The following DACH1 variants were observed in gnomAD, a reference collection of about 807,000 sequenced individuals.
DACH1 encodes dachshund homolog 1.
DACH1 carries 12 observed loss-of-function variants against 54.2 expected under a neutral mutation model. The ratio of observed to expected loss-of-function variants is 0.22; its 90% CI spans 0.14 to 0.36. DACH1 has a LOEUF of 0.36. Ranked by LOEUF, DACH1 falls within the 10% of genes least tolerant of loss-of-function variation. DACH1 has a pLI of 1.00. For missense variants in DACH1, 805 were observed against 929.8 expected, an observed-to-expected ratio of 0.87 and a Z score of 1.75; for synonymous variants, 386 against 366.2, an observed-to-expected ratio of 1.05 and a Z score of -0.62.
chr13:71,588,119 G>A (rs1376790423), intron 3 of DACH1, among the ~76,000 whole-genome samples: 2 of 152,042 alleles, frequency 1.3e-5, no homozygotes, highest in Non-Finnish European at 2.9e-5. Context: ...AGCTACAAAG[G>A]TTTAGATGGG....
At chr13:71,765,353 C>T (rs747400428) in intron 1 of DACH1, among the ~76,000 whole-genome samples, 7 of 152,156 alleles carry the variant, frequency 4.6e-5, no homozygotes, top group Non-Finnish European at 1.0e-4. Flanking sequence ...TCTGCTTTTC[C>T]CCATTTTTGT....
chr13:71,663,616 C>A (rs7982150), intron 2 of DACH1, among the ~76,000 whole-genome samples: 112,652 of 151,768 alleles, frequency 0.74, 43,879 homozygotes, highest in Non-Finnish European at 0.88. Flanking sequence ...TACTAGCCAC[C>A]AATATTTAGT....
At chr13:71,645,376 G>A (rs916420940) in intron 2 of DACH1, among the ~76,000 whole-genome samples, 4 of 152,176 alleles carry the variant, frequency 2.6e-5, no homozygotes, top group Non-Finnish European at 5.9e-5. Flanking sequence ...ATGTATGTGC[G>A]TAAACGATTT....
intron 1 of DACH1, among the ~76,000 whole-genome samples, chr13:71,814,824 C>CT (rs1167816537): frequency 3.3e-5 from 5 of 152,300 alleles, no homozygotes; most frequent in Non-Finnish European, 4.4e-5. Context: ...GATCATGAAG[C>CT]TTTTTTTCAT....
At chr13:71,836,782 C>T (rs1005645463) in intron 1 of DACH1, among the ~76,000 whole-genome samples, 1 of 151,986 alleles carries the variant, frequency 6.6e-6, no homozygotes, top group African/African-American at 2.4e-5. Context: ...ACTCTTCATA[C>T]CCCAAGCTCT....
rs1173370558 is a variant in DACH1 at position 71,440,662 on chromosome 13, A to T, written c.2114T>A (p.Met705Lys). Residue 705 changes from methionine to lysine, a missense_variant, in exon 11 of 11, where the codon ATG becomes AAG. This residue lies in a region of DACH1 where 472 missense variants were observed against 545.3 expected (regional missense o/e 0.87). Coordinates refer to ENST00000613252, the MANE Select transcript of DACH1 (RefSeq NM_080759.6). ...TTCTTCAACAGGAAAGATTCAGTAC[A>T]TGACAGTAGTTTTCAAATACAGTCT... ...DGRLYLKTTV[M>K]Y 6.2e-7 allele frequency: 1 copy of T among 1,604,538 alleles called. No homozygotes were observed. The highest frequency in any genetic ancestry group is 8.5e-7 in the Non-Finnish European group (1 of 1,175,580).
chr13:71,522,724 T>C (rs897761392), intron 6 of DACH1, among the ~76,000 whole-genome samples: 2 of 152,100 alleles, frequency 1.3e-5, no homozygotes, highest in Admixed American at 1.3e-4. Context: ...CATTCAGGAA[T>C]GACAGTTTAA....
At chr13:71,698,428 C>T (rs1881942475) in intron 1 of DACH1, among the ~76,000 whole-genome samples, 1 of 152,046 alleles carries the variant, frequency 6.6e-6, no homozygotes, top group African/African-American at 2.4e-5. Flanking sequence ...TAATATTTCT[C>T]AAAGAACGTT....
chr13:71,663,746 A>G (rs1385386156), intron 2 of DACH1, among the ~76,000 whole-genome samples: 1 of 151,926 alleles, frequency 6.6e-6, no homozygotes, highest in Non-Finnish European at 1.5e-5. Flanking sequence ...TAAATAAGAA[A>G]TAGAGATTCT....
intron 6 of DACH1, among the ~76,000 whole-genome samples, chr13:71,523,256 T>A (rs371148603): frequency 3.9e-5 from 6 of 152,132 alleles, no homozygotes; most frequent in African/African-American, 1.4e-4. Flanking sequence ...GTAAATACAA[T>A]GTATTCAGAA....
intron 1 of DACH1, among the ~76,000 whole-genome samples, chr13:71,756,265 G>C (rs1177041919): frequency 6.6e-6 from 1 of 151,414 alleles, no homozygotes; most frequent in African/African-American, 2.4e-5. Flanking sequence ...GGATGGTCTT[G>C]ATCTCCTGAC....
chr13:71,505,957 G>C (rs185959651), intron 6 of DACH1, among the ~76,000 whole-genome samples: 4 of 152,042 alleles, frequency 2.6e-5, no homozygotes, highest in African/African-American at 9.6e-5. Flanking sequence ...TTTCACATTT[G>C]AATAAGCAAA....
chr13:71,554,104 AC>A (rs1192723960), intron 6 of DACH1, among the ~76,000 whole-genome samples: 1 of 152,064 alleles, frequency 6.6e-6, no homozygotes, highest in Non-Finnish European at 1.5e-5. Context: ...TAGGAAAGTT[AC>A]AGGGATATTA....
intron 1 of DACH1, among the ~76,000 whole-genome samples, chr13:71,708,135 A>C (rs2192995): frequency 0.047 from 7,084 of 151,942 alleles, 544 homozygotes; most frequent in African/African-American, 0.16. Flanking sequence ...AAAAAAAGTA[A>C]AAACAAAATA....
intron 2 of DACH1, among the ~76,000 whole-genome samples, chr13:71,653,477 G>GGCAGAC (rs1379847092): frequency 1.3e-5 from 2 of 152,196 alleles, no homozygotes; most frequent in Non-Finnish European, 2.9e-5. Flanking sequence ...TAAGAGCAAA[G>GGCAGAC]GCAGACGCTG....
intron 1 of DACH1, among the ~76,000 whole-genome samples, chr13:71,844,547 T>C (rs1039045699): frequency 2.6e-5 from 4 of 152,216 alleles, no homozygotes; most frequent in Admixed American, 2.6e-4. Context: ...CTTTTTTTGT[T>C]TTTGATTTAT....
intron 1 of DACH1, among the ~76,000 whole-genome samples, chr13:71,798,531 A>G (rs940708134): frequency 6.6e-6 from 1 of 151,804 alleles, no homozygotes; most frequent in African/African-American, 2.4e-5. Flanking sequence ...TAAAAACTGC[A>G]TGCTTGTGTC....
chr13:71,526,202 G>A (rs1017478687), intron 6 of DACH1, among the ~76,000 whole-genome samples: 7 of 152,010 alleles, frequency 4.6e-5, no homozygotes, highest in African/African-American at 1.7e-4. Context: ...CTCTTTTAAC[G>A]ATACATAGAG....
At chr13:71,622,615 T>C (rs900041644) in intron 3 of DACH1, among the ~76,000 whole-genome samples, 4 of 151,904 alleles carry the variant, frequency 2.6e-5, no homozygotes, top group Non-Finnish European at 5.9e-5. Flanking sequence ...CAGTATAGCA[T>C]GTTTTTGTAG....
Sources: allele counts gnomAD v4.1 joint callset (sites outside exome capture counted in the v4.1 genomes callset), GRCh38; gene constraint gnomAD v4.1.1; regional missense constraint gnomAD v4.1.1; transcripts MANE v1.5; gene names NCBI Gene and HGNC (gene_info 2026-07-23, HGNC 2026-07-21).